The following LRRC4C variants were observed in gnomAD, a reference collection of about 807,000 sequenced individuals.
LRRC4C encodes the protein leucine-rich repeat-containing protein 4C.
A neutral mutation model predicts 33.6 loss-of-function variants in LRRC4C; 5 were observed. The ratio of observed to expected loss-of-function variants is 0.15; its 90% CI spans 0.08 to 0.31. The LOEUF (loss-of-function observed/expected upper bound fraction) is 0.31. LRRC4C is among the 10% of genes least tolerant of loss of function. The probability of loss-of-function intolerance (pLI) is 1.00; values close to 1 mark genes in which losing one functional copy is unlikely to be tolerated. For synonymous variants in LRRC4C, 329 were observed against 302.0 expected (o/e 1.09, Z -0.93); for missense variants, 560 against 796.7 (o/e 0.70, Z 3.58).
At chr11:40,353,152 C>A (rs986882336) in intron 3 of LRRC4C, among the ~76,000 whole-genome samples, 2 of 152,092 alleles carry the variant, frequency 1.3e-5, no homozygotes, top group Non-Finnish European at 2.9e-5. Flanking sequence ...ATTATTCCTT[C>A]AAATAAACTT....
chr11:40,373,136 A>G (rs533773008), intron 3 of LRRC4C, among the ~76,000 whole-genome samples: 1 of 151,560 alleles, frequency 6.6e-6, no homozygotes, highest in South Asian at 2.1e-4. Flanking sequence ...GTCAAATAGC[A>G]ATCTCTACCT....
At chr11:40,308,937 C>G (rs2136730152) in intron 4 of LRRC4C, among the ~76,000 whole-genome samples, 1 of 152,292 alleles carries the variant, frequency 6.6e-6, no homozygotes, top group Middle Eastern at 3.4e-3. Flanking sequence ...CTGCACCATC[C>G]ATATTTCTAC....
chr11:41,355,822 A>T (rs1003176214), intron 1 of LRRC4C, among the ~76,000 whole-genome samples: 4 of 152,120 alleles, frequency 2.6e-5, no homozygotes, highest in Non-Finnish European at 5.9e-5. Flanking sequence ...ATAGTAGAAT[A>T]CATTCCTAAA....
intron 6 of LRRC4C, among the ~76,000 whole-genome samples, chr11:40,128,263 G>A (rs1425031705): frequency 2.6e-5 from 4 of 152,134 alleles, no homozygotes; most frequent in Non-Finnish European, 2.9e-5. Context: ...CATAAAAGCC[G>A]CTACCATGTG....
At position 40,160,659 on chromosome 11, in the gene LRRC4C, C is replaced by T. The variant is rs182747045; in HGVS notation, c.-95-19806G>A. 8.5e-5 allele frequency among the ~76,000 whole-genome samples: 13 copies of T among 152,152 alleles called. No individual in the cohort carries two copies. The East Asian group carries it at 2.1e-3, about 25-fold the overall frequency. On this transcript the variant is annotated intron_variant, in intron 5 of 6. Transcript: ENST00000528697. ...ACTCTCATCAAGGCAAATTTATAGACGAGCGAAAGGGCAGGGGTGGGTCAT... is the reference window on the plus strand; with the variant it reads ...ACTCTCATCAAGGCAAATTTATAGATGAGCGAAAGGGCAGGGGTGGGTCAT...
intron 3 of LRRC4C, among the ~76,000 whole-genome samples, chr11:40,417,944 A>C (rs1256164556): frequency 6.6e-6 from 1 of 152,218 alleles, no homozygotes; most frequent in Non-Finnish European, 1.5e-5. Context: ...AATGTGTAGT[A>C]ATAATGCCAG....
chr11:40,807,588 A>C (rs756467704), intron 2 of LRRC4C, among the ~76,000 whole-genome samples: 8 of 152,224 alleles, frequency 5.3e-5, no homozygotes, highest in Non-Finnish European at 1.2e-4. Flanking sequence ...TGACACAATT[A>C]AAGTCTGCTG....
intron 4 of LRRC4C, chr11:40,293,744 C>T (rs1944360826): frequency 6.6e-6 from 1 of 152,198 alleles, no homozygotes. Flanking sequence ...GCGTTGGGTA[C>T]ATTTTGGAGC....
rs373356899 is a variant in LRRC4C, at chr11:41,244,171, C to CTCTA, written c.-496+215256_-496+215259dup. Reference sequence around the variant, plus strand: ...ACCATGTTAGTTTCAAGAAAGTTTTCTCTATCTATCTATCTATCTATCGAT... The same window carrying CTCTA: ...ACCATGTTAGTTTCAAGAAAGTTTTCTCTATCTATCTATCTATCTATCTATCGAT... On this transcript the variant is annotated intron_variant, in intron 1 of 6. Transcript: ENST00000528697. Among the ~76,000 whole-genome samples the CTCTA allele has an allele frequency of 8.7e-3, 1,276 of 146,790 alleles. 18 individuals are homozygous for CTCTA. The highest frequency in any genetic ancestry group is 0.032 in the African/African-American group (1,184 of 36,926).
intron 2 of LRRC4C, among the ~76,000 whole-genome samples, chr11:40,882,469 A>G (rs1245327627): frequency 6.6e-6 from 1 of 152,066 alleles, no homozygotes; most frequent in Non-Finnish European, 1.5e-5. Flanking sequence ...CAGACTTTAC[A>G]TTTTGGCATT....
At chr11:40,652,173 G>T (rs1942850105) in intron 2 of LRRC4C, among the ~76,000 whole-genome samples, 2 of 152,190 alleles carry the variant, frequency 1.3e-5, no homozygotes, top group Admixed American at 6.5e-5. Context: ...GAACAAGGTT[G>T]TCTTAAGCCT....
chr11:41,418,084 C>T (rs1954752232), intron 1 of LRRC4C, among the ~76,000 whole-genome samples: 1 of 151,822 alleles, frequency 6.6e-6, no homozygotes, highest in African/African-American at 2.4e-5. Flanking sequence ...TCAAATATTC[C>T]TTTCTACTTA....
rs534707726 is a variant in LRRC4C, at chr11:40,466,411, T to C, written c.-269-146690A>G. On this transcript the variant is annotated intron_variant, in intron 3 of 6. Coordinates refer to ENST00000528697, the MANE Select transcript of LRRC4C (RefSeq NM_001258419.2). ...ATACTTCCCTCGTAACCCCTAAATC[T>C]ATAAAAATAAAAAATAAATAAGTTT... Among the ~76,000 whole-genome samples the C allele has an allele frequency of 1.7e-4, 26 of 151,932 alleles. No homozygotes were observed. The South Asian group carries it at 5.4e-3, about 32-fold the overall frequency.
At chr11:40,226,963 T>C (rs1045892197) in intron 5 of LRRC4C, among the ~76,000 whole-genome samples, 9 of 152,178 alleles carry the variant, frequency 5.9e-5, no homozygotes, top group Admixed American at 2.0e-4. Flanking sequence ...TCTTACATCA[T>C]TCATTAATTA....
chr11:41,087,083 C>T (rs960568349), intron 1 of LRRC4C, among the ~76,000 whole-genome samples: 1 of 152,096 alleles, frequency 6.6e-6, no homozygotes, highest in African/African-American at 2.4e-5. Context: ...AATTGCACCA[C>T]CATCTCATTA....
chr11:40,827,422 G>C (rs1952212299), intron 2 of LRRC4C, among the ~76,000 whole-genome samples: 1 of 151,470 alleles, frequency 6.6e-6, no homozygotes, highest in South Asian at 2.1e-4. Flanking sequence ...AATAGCAGGA[G>C]ACTAAAAAGA....
At chr11:41,328,130 C>T (rs561992254) in intron 1 of LRRC4C, among the ~76,000 whole-genome samples, 53 of 152,272 alleles carry the variant, frequency 3.5e-4, no homozygotes, top group African/African-American at 1.2e-3. Context: ...GCTGCAGGTA[C>T]CCCTACTACT....
intron 3 of LRRC4C, among the ~76,000 whole-genome samples, chr11:40,384,268 A>C (rs1246857091): frequency 6.6e-6 from 1 of 152,150 alleles, no homozygotes; most frequent in African/African-American, 2.4e-5. Context: ...AGAAACAGGA[A>C]ACTTTAAGAT....
intron 3 of LRRC4C, among the ~76,000 whole-genome samples, chr11:40,442,095 G>C (rs1951421846): frequency 6.7e-6 from 1 of 148,252 alleles, no homozygotes; most frequent in Admixed American, 6.9e-5. Context: ...CCCAGGAGGT[G>C]GAGCTTGCAA....
Sources: gnomAD v4.1 joint callset for allele counts (sites outside exome capture counted in the v4.1 genomes callset) on GRCh38, gnomAD v4.1.1 for gene constraint, MANE v1.5 for transcripts, NCBI Gene and HGNC (gene_info 2026-07-23, HGNC 2026-07-21) for gene names.